The following CFAP206 variants were observed in gnomAD, a reference collection of about 807,000 sequenced individuals.
CFAP206 encodes cilia- and flagella-associated protein 206.
CFAP206 carries 53 observed loss-of-function variants against 65.4 expected under a neutral mutation model. That is an observed-to-expected ratio of 0.81 (90% CI 0.65 to 1.02). The LOEUF is 1.02. Among genes scored for constraint, CFAP206 ranks in the 50% least tolerant of loss-of-function variants. The pLI is 0.00. For synonymous variants in CFAP206, 250 were observed against 254.4 expected, an observed-to-expected ratio of 0.98 and a Z score of 0.17; for missense variants, 663 against 753.2, an observed-to-expected ratio of 0.88 and a Z score of 1.40.
chr6:87,433,594 C>A (rs1477648599), intron 10 of CFAP206, among the ~76,000 whole-genome samples: 2 of 152,144 alleles, frequency 1.3e-5, no homozygotes, highest in Admixed American at 1.3e-4. Context: ...TTTGAAAAAT[C>A]TACCAGATGA....
At position 87,431,037 on chromosome 6, in the gene CFAP206, T is replaced by C. The variant is rs201529657; in HGVS notation, c.1164T>C (p.Asp388=). 1 of 1,612,838 alleles carries C rather than the reference T, an allele frequency of 6.2e-7. No individual in the cohort carries two copies. Among genetic ancestry groups the C allele is most frequent in the Non-Finnish European group, 8.5e-7 (1 of 1,179,574 alleles). ...TCTTCTTCTCCTTCATTTTAGAAGA[T>C]AGAGTAAATGTGGCAGATTTCAGAA... ...DVCRMKEHME[D]RVNVADFRKL... Residue 388 remains aspartate, a synonymous_variant, in exon 10 of 13, where the codon GAT becomes GAC. Coordinates refer to ENST00000369562, the MANE Select transcript of CFAP206 (RefSeq NM_001031743.3).
intron 11 of CFAP206, among the ~76,000 whole-genome samples, chr6:87,438,375 C>T (rs762703764): frequency 2.0e-5 from 3 of 147,334 alleles, no homozygotes; most frequent in Non-Finnish European, 4.4e-5. Context: ...GCAGGAGAAT[C>T]GCTTGAACCA....
chr6:87,451,688 C>T (rs576854532), intron 11 of CFAP206, among the ~76,000 whole-genome samples: 37 of 152,008 alleles, frequency 2.4e-4, no homozygotes, highest in Admixed American at 1.6e-3. Context: ...GGTACCAGCT[C>T]AGTCACAGTA....
At chr6:87,421,163 C>A (rs1229626425) in intron 7 of CFAP206, among the ~76,000 whole-genome samples, 1 of 152,166 alleles carries the variant, frequency 6.6e-6, no homozygotes, top group Non-Finnish European at 1.5e-5. Flanking sequence ...ATTCTCTCAT[C>A]AAAGTTTCAG....
rs752930871 is a variant in CFAP206, at chr6:87,464,090, C to T, written c.1709C>T (p.Ser570Phe). 6.2e-7 allele frequency: 1 copy of T among 1,614,086 alleles called. No individual in the cohort carries two copies. Residue 570 changes from serine (S) to phenylalanine (F), a missense_variant, in exon 13 of 13, where the codon TCC (serine) becomes TTC (phenylalanine). By Grantham distance (155) the Ser-to-Phe change is radical. Transcript: ENST00000369562. The stretch of plus-strand genomic sequence containing the variant: ...AGTCACTTGAGAAGAGAAAATTGTT[C>T]CCAAGTGTACCCTCCAAAGGACACT... ...DLSHLRRENC[S>F]QVYPPKDTST...
At chr6:87,422,181 G>A (rs1433203763) in intron 7 of CFAP206, among the ~76,000 whole-genome samples, 1 of 152,160 alleles carries the variant, frequency 6.6e-6, no homozygotes, top group Non-Finnish European at 1.5e-5. Context: ...GGGCGTGGTG[G>A]CTCACACCTG....
At chr6:87,442,894 GAAGTTTT>G (rs1768380643) in intron 11 of CFAP206, among the ~76,000 whole-genome samples, 2 of 151,878 alleles carry the variant, frequency 1.3e-5, no homozygotes, top group Admixed American at 6.6e-5. Context: ...TTTTTCTTTA[GAAGTTTT>G]ACATTTATAT....
In CFAP206 at chr6:87,444,896, G is replaced by A. The variant is rs77317160; in HGVS notation, c.1494+9843G>A. ...GCCCAGAAGTCTGTGTGTGAAAAGCGCTTGTAAGGCTCACCACTTGTAAGC... is the reference window on the plus strand; with the variant it reads ...GCCCAGAAGTCTGTGTGTGAAAAGCACTTGTAAGGCTCACCACTTGTAAGC... On this transcript the variant is annotated intron_variant, in intron 11 of 12. Coordinates refer to ENST00000369562, the MANE Select transcript of CFAP206 (RefSeq NM_001031743.3). The A allele has an allele frequency of 4.1e-3, 2,225 of 541,468 alleles. 50 individuals carry two copies. The highest frequency in any genetic ancestry group is 0.038 in the African/African-American group (2,019 of 52,602). 33.5% of individuals were successfully genotyped at this position (541,468 alleles called of 1,614,324 possible). A position where few individuals can be genotyped will look rare whatever the true frequency, so the allele number is the denominator to read the frequency against.
intron 11 of CFAP206, chr6:87,442,036 T>C: frequency 4.3e-6 from 1 of 231,050 alleles, no homozygotes; most frequent in Non-Finnish European, 9.0e-6. Context: ...TATGTCACCC[T>C]CAGATCTTGG....
Position 87,461,036 on chromosome 6 carries a change from C to T in CFAP206, c.1509C>T (p.Asp503=), listed in dbSNP as rs1469938390. 1 of 1,578,590 alleles carries T rather than the reference C, an allele frequency of 6.3e-7. No individual in the cohort carries two copies. Among genetic ancestry groups the T allele is most frequent in the East Asian group, 2.4e-5 (1 of 42,294 alleles). ...FIPYSQMRDA[D]KHYIKPITKC... ...CACTTCTTTAGATGAGAGATGCTGA[C>T]AAACATTATATAAAACCAATTACAA... is the stretch of plus-strand genomic sequence containing the variant. Residue 503 remains aspartate (D), a synonymous_variant, in exon 12 of 13, where the codon GAC becomes GAT. Transcript: ENST00000369562.
chr6:87,424,004 C>G (rs1320653142), intron 7 of CFAP206, among the ~76,000 whole-genome samples: 2 of 152,092 alleles, frequency 1.3e-5, no homozygotes, highest in African/African-American at 4.8e-5. Context: ...GCACCTTTTT[C>G]TCTTCAAATA....
rs373209172 is a variant in CFAP206 at position 87,427,706 on chromosome 6, G to A, written c.961-920G>A. Among the ~76,000 whole-genome samples the A allele has an allele frequency of 1.6e-4, 24 of 152,112 alleles. No individual in the cohort carries two copies. The South Asian group carries it at 5.0e-3, about 32-fold the overall frequency. On this transcript the variant is annotated intron_variant, in intron 8 of 12. Transcript: ENST00000369562. ...TTCCAGGTTCTTTTGCAATGATTTG[G>A]CCAGAAAAAATCTAATTATAGTGAG... is the stretch of plus-strand genomic sequence containing the variant.
chr6:87,438,241 T>A (rs1768306648), intron 11 of CFAP206, among the ~76,000 whole-genome samples: 1 of 151,994 alleles, frequency 6.6e-6, no homozygotes. Context: ...GGCGAGTAGA[T>A]CACAAGGTCA....
At chr6:87,460,632 A>T (rs68100217) in intron 11 of CFAP206, among the ~76,000 whole-genome samples, 6,573 of 152,208 alleles carry the variant, frequency 0.043, 194 homozygotes, top group Middle Eastern at 0.092. Context: ...GCAACAGTGG[A>T]AAGAGTGGGA....
Position 87,418,356 on chromosome 6 carries a change from T to C in CFAP206, c.780T>C (p.Tyr260=), listed in dbSNP as rs764809395. The C allele has an allele frequency of 6.2e-7, 1 of 1,614,128 alleles. No homozygotes were observed. Among genetic ancestry groups the C allele is most frequent in the East Asian group, 2.2e-5 (1 of 44,880 alleles). The change falls in exon 7 of 13, where the codon TAT becomes TAC. Residue 260 remains tyrosine (Y), a synonymous_variant. Transcript: ENST00000369562. ...DPLMRAELQP[Y]MLKEALYNIR... is the part of the protein sequence containing the mutation. ...TCATGAGGGCTGAACTTCAGCCATA[T>C]ATGTTAAAAGAAGCGCTATATAATA...
At chr6:87,430,889 G>A (rs1386217168) in intron 9 of CFAP206, 144 bp from the exon 10 acceptor site, 7 of 684,774 alleles carry the variant, frequency 1.0e-5, no homozygotes, top group South Asian at 2.1e-5. Context: ...TCATAAATCT[G>A]GTTTTGTGAA....
At chr6:87,453,772 T>C (rs1768584573) in intron 11 of CFAP206, among the ~76,000 whole-genome samples, 1 of 151,894 alleles carries the variant, frequency 6.6e-6, no homozygotes, top group African/African-American at 2.4e-5. Flanking sequence ...AATTGAAACA[T>C]ACCACCAAAG....
At chr6:87,438,870 T>C (rs1477169177) in intron 11 of CFAP206, among the ~76,000 whole-genome samples, 1 of 152,192 alleles carries the variant, frequency 6.6e-6, no homozygotes, top group Non-Finnish European at 1.5e-5. Context: ...GTAAATGTAT[T>C]TCCCACAAAA....
intron 12 of CFAP206, among the ~76,000 whole-genome samples, chr6:87,462,332 C>T (rs1768763153): frequency 1.3e-5 from 2 of 152,284 alleles, no homozygotes; most frequent in South Asian, 4.1e-4. Context: ...TCAGTTTCCC[C>T]ATATATCTTC....
Sources: gnomAD v4.1 joint callset for allele counts (sites outside exome capture counted in the v4.1 genomes callset) on GRCh38, gnomAD v4.1.1 for gene constraint, MANE v1.5 for transcripts, NCBI Gene and HGNC (gene_info 2026-07-23, HGNC 2026-07-21) for gene names.